JPH3: variants seen among roughly 807,000 people sequenced by gnomAD.
The protein encoded by JPH3 is junctophilin-3.
JPH3 carries 11 observed loss-of-function variants against 59.6 expected under a neutral mutation model. The observed-to-expected ratio is 0.18, with a 90% confidence interval of 0.12 to 0.31. The LOEUF (loss-of-function observed/expected upper bound fraction) is 0.31, where lower values mean the gene tolerates loss of function less well. Among genes scored for constraint, JPH3 ranks in the 10% least tolerant of loss-of-function variants. The pLI is 1.00. For synonymous variants in JPH3, 673 were observed against 483.6 expected (o/e 1.39, Z -5.14); for missense variants, 1,202 against 1,105.7 (o/e 1.09, Z -1.24).
intron 1 of JPH3, among the ~76,000 whole-genome samples, chr16:87,632,274 GAAA>G (rs1331152713): frequency 6.6e-6 from 1 of 152,094 alleles, no homozygotes; most frequent in African/African-American, 2.4e-5. Context: ...GCGAAAAGAC[GAAA>G]AAAAGAGCAC....
In JPH3 at chr16:87,696,950, C is replaced by T; in HGVS notation, c.*290C>T. On this transcript the variant is annotated 3_prime_UTR_variant, in exon 5 of 5. Transcript: ENST00000284262. ...GCTCCACGTGGAGACAGAAGGGATC[C>T]CGGCACATCAGTGGTAACAGCGGAC... is the stretch of plus-strand genomic sequence containing the variant. The T allele has an allele frequency of 2.4e-6, 1 of 421,044 alleles. No homozygotes were observed. The highest frequency in any genetic ancestry group is 4.4e-6 in the Non-Finnish European group (1 of 225,396). 26.1% of individuals were successfully genotyped at this position (421,044 alleles called of 1,614,324 possible). A position where few individuals can be genotyped will look rare whatever the true frequency, so the allele number is the denominator to read the frequency against.
At chr16:87,658,406 G>C (rs116891647) in intron 2 of JPH3, among the ~76,000 whole-genome samples, 2,266 of 131,242 alleles carry the variant, frequency 0.017, 27 homozygotes, top group Non-Finnish European at 0.026. Flanking sequence ...CTCCCTCTCT[G>C]TCCCTCCCTC....
chr16:87,647,579 C>T (rs1014012901), intron 2 of JPH3, among the ~76,000 whole-genome samples: 8 of 152,266 alleles, frequency 5.3e-5, no homozygotes, highest in Admixed American at 3.9e-4. Flanking sequence ...CCCGAGCGGG[C>T]GTCGCGGGGA....
chr16:87,668,727 C>G (rs2032939163), intron 2 of JPH3, among the ~76,000 whole-genome samples: 1 of 152,180 alleles, frequency 6.6e-6, no homozygotes, highest in Non-Finnish European at 1.5e-5. Context: ...TGGGGCCTTT[C>G]CTGCCCAGCT....
chr16:87,691,925 G>T (rs1227280655), intron 4 of JPH3, among the ~76,000 whole-genome samples: 1 of 152,068 alleles, frequency 6.6e-6, no homozygotes, highest in African/African-American at 2.4e-5. Flanking sequence ...TCTATTTTTA[G>T]CCTGCTTAAT....
chr16:87,680,563 C>CCA (rs1360296364), intron 2 of JPH3, among the ~76,000 whole-genome samples: 1 of 152,232 alleles, frequency 6.6e-6, no homozygotes, highest in Non-Finnish European at 1.5e-5. Flanking sequence ...GGATCTGTAA[C>CCA]GTGACTAGGT....
At position 87,663,003 on chromosome 16, in the gene JPH3, G is replaced by T. The variant is rs530292863; in HGVS notation, c.1160+17968G>T. ...AGCCGTCACATGCTGTTGGGCACCA[G>T]CCTGTCTCTTTGGACCATAAAAACG... On this transcript the variant is annotated intron_variant, in intron 2 of 4. Transcript: ENST00000284262. Among the ~76,000 whole-genome samples, 5 of 152,372 alleles carry T rather than the reference G, an allele frequency of 3.3e-5. No individual in the cohort carries two copies. The South Asian group carries it at 1.0e-3, about 32-fold the overall frequency.
intron 4 of JPH3, among the ~76,000 whole-genome samples, chr16:87,691,087 C>T (rs961133882): frequency 1.9e-5 from 1 of 51,822 alleles, no homozygotes; most frequent in Admixed American, 2.1e-4. Flanking sequence ...TCACCCAGCA[C>T]CCCCCCCCCA....
At chr16:87,648,595 G>A (rs946071382) in intron 2 of JPH3, among the ~76,000 whole-genome samples, 4 of 152,142 alleles carry the variant, frequency 2.6e-5, no homozygotes, top group African/African-American at 9.7e-5. Flanking sequence ...CTGGAAAACG[G>A]GGCGGGAGGT....
intron 4 of JPH3, chr16:87,694,870 C>T (rs1007689844): frequency 1.6e-5 from 3 of 187,760 alleles, no homozygotes; most frequent in East Asian, 1.4e-4. Flanking sequence ...CAGCTTCTCA[C>T]GCAGCATGCA....
chr16:87,659,472 C>T (rs772533568), intron 2 of JPH3, among the ~76,000 whole-genome samples: 5 of 151,470 alleles, frequency 3.3e-5, no homozygotes, highest in Non-Finnish European at 7.4e-5. Flanking sequence ...GCCTATAATC[C>T]CAGCACTGGG....
intron 2 of JPH3, among the ~76,000 whole-genome samples, chr16:87,672,883 G>A (rs1367553163): frequency 6.6e-6 from 1 of 152,228 alleles, no homozygotes; most frequent in Non-Finnish European, 1.5e-5. Context: ...AGTGGCTTGT[G>A]CCTATAATCT....
At chr16:87,683,865 C>T (rs944557346) in intron 2 of JPH3, 4 of 380,424 alleles carry the variant, frequency 1.1e-5, no homozygotes, top group African/African-American at 2.1e-5. Flanking sequence ...CTTGGCCTCC[C>T]AAAGTGCTGG....
At chr16:87,627,217 G>T (rs958206268) in intron 1 of JPH3, among the ~76,000 whole-genome samples, 1 of 152,126 alleles carries the variant, frequency 6.6e-6, no homozygotes, top group Non-Finnish European at 1.5e-5. Flanking sequence ...GCCCCTGGAG[G>T]TTGTTAAACC....
rs565934233 is a variant in JPH3, at chr16:87,691,760, G to A, written c.2166+1234G>A. 1.2e-4 allele frequency among the ~76,000 whole-genome samples: 18 copies of A among 152,178 alleles called. No individual in the cohort carries two copies. In the South Asian group the frequency reaches 3.3e-3, roughly 28 times the overall value. ...CTCCCCGTTCCCCAAAGCCCACAGA[G>A]AACAGCCCCTATGCTCCTGCTGGGA... On this transcript the variant is annotated intron_variant, in intron 4 of 4. Coordinates refer to ENST00000284262, the MANE Select transcript of JPH3 (RefSeq NM_020655.4).
intron 2 of JPH3, among the ~76,000 whole-genome samples, chr16:87,668,883 C>A (rs1438261802): frequency 2.0e-5 from 3 of 151,872 alleles, no homozygotes; most frequent in Admixed American, 6.5e-5. Flanking sequence ...AGCTCCCACC[C>A]CCTCCGGCTG....
At chr16:87,673,668 G>C (rs976101925) in intron 2 of JPH3, among the ~76,000 whole-genome samples, 1 of 152,204 alleles carries the variant, frequency 6.6e-6, no homozygotes, top group Non-Finnish European at 1.5e-5. Context: ...GCTCACACCT[G>C]TAATCCCAGT....
At chr16:87,677,120 C>T (rs932468797) in intron 2 of JPH3, among the ~76,000 whole-genome samples, 2 of 150,902 alleles carry the variant, frequency 1.3e-5, no homozygotes, top group African/African-American at 4.9e-5. Flanking sequence ...GATCGTGCCA[C>T]TGCAATCCAG....
chr16:87,685,624 T>G (rs2033398577), intron 3 of JPH3, among the ~76,000 whole-genome samples: 1 of 152,226 alleles, frequency 6.6e-6, no homozygotes, highest in African/African-American at 2.4e-5. Context: ...AGGAAGCCAG[T>G]GCCGTCGGGG....
Sources: allele counts gnomAD v4.1 joint callset (sites outside exome capture counted in the v4.1 genomes callset), GRCh38; gene constraint gnomAD v4.1.1; transcripts MANE v1.5; gene names NCBI Gene and HGNC (gene_info 2026-07-23, HGNC 2026-07-21).